The following FCRLB variants were observed in gnomAD, a reference collection of about 807,000 sequenced individuals.
FCRLB encodes the protein Fc receptor-like B.
FCRLB carries 34 observed loss-of-function variants against 33.6 expected under a neutral mutation model. The ratio of observed to expected loss-of-function variants is 1.01; its 90% CI spans 0.77 to 1.35. The LOEUF (loss-of-function observed/expected upper bound fraction) is 1.35. Ranked by LOEUF, FCRLB falls within the 40% of genes most tolerant of loss-of-function variation. FCRLB has a pLI of 0.00. For synonymous variants in FCRLB, 280 were observed against 255.9 expected (o/e 1.09, Z -0.90); for missense variants, 560 against 580.2 (o/e 0.97, Z 0.36).
exon 5 of FCRLB, chr1:161,723,598 C>T: frequency 6.2e-7 from 1 of 1,614,100 alleles, no homozygotes; most frequent in Non-Finnish European, 8.5e-7. Context: ...GTCAGTGACC[C>T]CATCCACCTC....
rs1310572496 is a variant in FCRLB at position 161,723,626 on chromosome 1, G to C, written c.307+5G>C. ...TCCACCTCTCTGTATCCAATGGTGA[G>C]TGGACTGAGCACGAGGGGAGGGGGA... On this transcript the variant is annotated splice_donor_5th_base_variant and intron_variant, in intron 5 of 7. Transcript: ENST00000367948. The C allele has an allele frequency of 6.2e-7, 1 of 1,612,924 alleles. No homozygotes were observed. The highest frequency in any genetic ancestry group is 8.5e-7 in the Non-Finnish European group (1 of 1,179,192).
rs138973877 is a variant in FCRLB, at chr1:161,726,159, G to C, written c.574+72G>C. The stretch of plus-strand genomic sequence containing the variant: ...AAATTCTGGGACAGGAGCTCGGCGA[G>C]AAAAGAAGGGGCGGAAGTTCAAATA... On this transcript the variant is annotated intron_variant, in intron 6 of 7. Transcript: ENST00000367948. This position sits in a 1 kb window ranked among gnomAD's most constrained non-coding sequence, Gnocchi z 5.2. 20 of 1,608,224 alleles carry C rather than the reference G, an allele frequency of 1.2e-5. No homozygotes were observed. In the African/African-American group the frequency reaches 2.1e-4, roughly 17 times the overall value.
Position 161,726,301 on chromosome 1 carries a change from TG to T in FCRLB, c.574+216del. Reference sequence around the variant, plus strand: ...TGGTCCCTTTCCCCGACGCACATCCTGGCTTCTCACTCTGGCTGGGGACTCC... The same window carrying T: ...TGGTCCCTTTCCCCGACGCACATCCTGCTTCTCACTCTGGCTGGGGACTCC... On this transcript the variant is annotated intron_variant, in intron 6 of 7. Transcript: ENST00000367948. The surrounding 1 kb of genome is among the most constrained non-coding windows in gnomAD (Gnocchi z 5.2). 1 of 845,394 alleles carries T rather than the reference TG, an allele frequency of 1.2e-6. No individual in the cohort carries two copies. Among genetic ancestry groups the T allele is most frequent in the Non-Finnish European group, 1.9e-6 (1 of 517,944 alleles). 52.4% of individuals were successfully genotyped at this position (845,394 alleles called of 1,614,324 possible).
At chr1:161,727,667 G>T (rs1391264806) in exon 8 of FCRLB, 1 of 1,584,180 alleles carries the variant, frequency 6.3e-7, no homozygotes, top group South Asian at 1.1e-5. Context: ...AGCTGAGGGG[G>T]CGGCTACCGT....
At chr1:161,725,904 G>T in exon 6 of FCRLB, 3 of 1,614,238 alleles carry the variant, frequency 1.9e-6, no homozygotes, top group Non-Finnish European at 2.5e-6. Context: ...GTACGACAAG[G>T]TGGTCTACAA....
intron 4 of FCRLB, 23 bp downstream of exon 4, chr1:161,723,032 C>T: frequency 6.2e-7 from 1 of 1,613,822 alleles, no homozygotes; most frequent in Non-Finnish European, 8.5e-7. Context: ...AATTTCTCAT[C>T]CCAATTTTCT....
chr1:161,722,608 T>C, intron 2 of FCRLB, 45 bp from the exon 3 acceptor site: 1 of 1,594,558 alleles, frequency 6.3e-7, no homozygotes, highest in Non-Finnish European at 8.6e-7. Context: ...ACATTCTTTC[T>C]CTCTGTTCCC....
At chr1:161,723,006 G>A (rs1683422827) in exon 4 of FCRLB, 1 of 1,613,888 alleles carries the variant, frequency 6.2e-7, no homozygotes, top group Non-Finnish European at 8.5e-7. Context: ...CAGTGGGCAA[G>A]CTGGTGAGTC....
chr1:161,722,808 GTTCA>G, intron 3 of FCRLB, 105 bp downstream of exon 3: 1 of 1,531,968 alleles, frequency 6.5e-7, no homozygotes. Flanking sequence ...TTTCCAAGTG[GTTCA>G]TTATCTTTTT....
At chr1:161,727,194 G>T in intron 7 of FCRLB, 53 bp from the exon 8 acceptor site, 1 of 1,323,224 alleles carries the variant, frequency 7.6e-7, no homozygotes, top group Non-Finnish European at 1.0e-6. Context: ...CCCCAGCCCA[G>T]CGCCGAGAAG....
Position 161,726,741 on chromosome 1 carries a change from C to A in FCRLB, c.613C>A (p.Arg205=), listed in dbSNP as rs202042884. The change falls in exon 7 of 8, where the codon CGG becomes AGG. Residue 205 remains arginine, a synonymous_variant. Transcript: ENST00000367948. This position sits in a 1 kb window ranked among gnomAD's most constrained non-coding sequence, Gnocchi z 5.2. ...GCCGGTGCTGAGGGTGATGGGTCCG[C>A]GGGAGGCCCGCGGCGCGGCGCTGGG... 3.7e-4 allele frequency: 597 copies of A among 1,594,022 alleles called. No homozygotes were observed. In the African/African-American group the frequency reaches 7.1e-3, roughly 19 times the overall value.
Position 161,726,225 on chromosome 1 carries a change from C to G in FCRLB, c.574+138C>G. On this transcript the variant is annotated intron_variant, in intron 6 of 7. Transcript: ENST00000367948. The surrounding 1 kb of genome is among the most constrained non-coding windows in gnomAD (Gnocchi z 5.2). ...GTTTCTCTTAGACTATGGACGCTGT[C>G]TCCTCTCCTTTGCCGTGAAGCAGCG... The G allele has an allele frequency of 7.1e-7, 1 of 1,403,946 alleles. No homozygotes were observed. The highest frequency in any genetic ancestry group is 9.9e-7 in the Non-Finnish European group (1 of 1,015,168). 87.0% of individuals were successfully genotyped at this position (1,403,946 alleles called of 1,614,324 possible).
intron 2 of FCRLB, 90 bp from the exon 3 acceptor site, chr1:161,722,563 C>T (rs1683404544): frequency 3.2e-6 from 4 of 1,242,598 alleles, no homozygotes; most frequent in Non-Finnish European, 4.6e-6. Context: ...GGAGAAGCAG[C>T]AATGTCTCCT....
chr1:161,724,465 C>T (rs972293942), intron 5 of FCRLB, among the ~76,000 whole-genome samples: 2 of 148,380 alleles, frequency 1.3e-5, no homozygotes, highest in Non-Finnish European at 3.0e-5. Context: ...GGCATGATAG[C>T]GGGTGCCTGT....
Sources: gnomAD v4.1 joint callset for allele counts (sites outside exome capture counted in the v4.1 genomes callset) on GRCh38, gnomAD v4.1.1 for gene constraint, Gnocchi (gnomAD v3.1) non-coding constraint, MANE v1.5 for transcripts, NCBI Gene and HGNC (gene_info 2026-07-23, HGNC 2026-07-21) for gene names.